UBE2E2: variants seen among roughly 807,000 people sequenced by gnomAD.
UBE2E2 encodes the protein ubiquitin conjugating enzyme E2 E2, also known as ubiquitin-conjugating enzyme E2 E2.
UBE2E2 carries 6 observed loss-of-function variants against 24.7 expected under a neutral mutation model. The ratio of observed to expected loss-of-function variants is 0.24; its 90% CI spans 0.13 to 0.48. The LOEUF is 0.48. Among genes scored for constraint, UBE2E2 ranks in the 20% least tolerant of loss-of-function variants. UBE2E2 has a pLI of 0.99. For synonymous variants in UBE2E2, 104 were observed against 83.6 expected, an observed-to-expected ratio of 1.24 and a Z score of -1.33; for missense variants, 169 against 245.0, an observed-to-expected ratio of 0.69 and a Z score of 2.07.
intron 3 of UBE2E2, among the ~76,000 whole-genome samples, chr3:23,295,828 A>G (rs550044821): frequency 6.6e-6 from 1 of 152,278 alleles, no homozygotes; most frequent in East Asian, 1.9e-4. Flanking sequence ...ACATTTGGTA[A>G]TTTGTATATA....
At chr3:23,534,311 C>A in intron 5 of UBE2E2, 1 of 889,838 alleles carries the variant, frequency 1.1e-6, no homozygotes, top group Non-Finnish European at 1.3e-6. Flanking sequence ...ATCAAAAAGA[C>A]TTCTGTTCAG....
chr3:23,544,084 A>G (rs1695458740), intron 5 of UBE2E2, among the ~76,000 whole-genome samples: 2 of 152,344 alleles, frequency 1.3e-5, no homozygotes, highest in East Asian at 1.9e-4. Context: ...AAAGACTTAC[A>G]TTGAAGACTA....
intron 3 of UBE2E2, among the ~76,000 whole-genome samples, chr3:23,343,431 C>T (rs556288093): frequency 6.6e-6 from 1 of 151,988 alleles, no homozygotes. Flanking sequence ...CAAAAATTAG[C>T]TGGGTGTCGT....
chr3:23,525,506 G>A (rs1238394773), intron 4 of UBE2E2, among the ~76,000 whole-genome samples: 1 of 152,184 alleles, frequency 6.6e-6, no homozygotes, highest in Non-Finnish European at 1.5e-5. Flanking sequence ...TATGGAAAAT[G>A]TTCCAAAAGG....
chr3:23,361,229 G>C (rs1455930947), intron 3 of UBE2E2, among the ~76,000 whole-genome samples: 2 of 152,090 alleles, frequency 1.3e-5, no homozygotes, highest in Non-Finnish European at 2.9e-5. Context: ...ACTGCTTCTG[G>C]GAATGTAAAC....
chr3:23,333,252 T>G (rs1343193488), intron 3 of UBE2E2, among the ~76,000 whole-genome samples: 1 of 152,200 alleles, frequency 6.6e-6, no homozygotes. Context: ...TCTTTTTCAA[T>G]TTAAATGTTT....
chr3:23,320,173 C>T (rs1694705158), intron 3 of UBE2E2, among the ~76,000 whole-genome samples: 1 of 152,184 alleles, frequency 6.6e-6, no homozygotes. Flanking sequence ...TAGTTTCTCA[C>T]ATTCAGTCGC....
chr3:23,567,395 A>G (rs968528535), intron 5 of UBE2E2, among the ~76,000 whole-genome samples: 3 of 152,248 alleles, frequency 2.0e-5, no homozygotes, highest in African/African-American at 7.2e-5. Context: ...TTCAGGCAAG[A>G]TGTCAGTAAA....
At chr3:23,256,399 G>C (rs750977480) in intron 3 of UBE2E2, among the ~76,000 whole-genome samples, 1 of 152,042 alleles carries the variant, frequency 6.6e-6, no homozygotes, top group African/African-American at 2.4e-5. Flanking sequence ...CCTTTTAAAG[G>C]ATACTCCGTA....
intron 5 of UBE2E2, among the ~76,000 whole-genome samples, chr3:23,560,079 A>G (rs1416686346): frequency 6.6e-6 from 1 of 151,926 alleles, no homozygotes. Context: ...TTTTTATTTT[A>G]TTTTAAGTTC....
chr3:23,235,104 C>G (rs748944020), intron 3 of UBE2E2, among the ~76,000 whole-genome samples: 1 of 152,112 alleles, frequency 6.6e-6, no homozygotes, highest in Non-Finnish European at 1.5e-5. Flanking sequence ...GCATCTCCAG[C>G]CTTTGTAGAG....
chr3:23,284,195 G>A (rs548279715), intron 3 of UBE2E2, among the ~76,000 whole-genome samples: 142 of 151,854 alleles, frequency 9.4e-4, no homozygotes, highest in Admixed American at 2.1e-3. Flanking sequence ...TTCTAGATTA[G>A]CCATGTTGAG....
intron 5 of UBE2E2, among the ~76,000 whole-genome samples, chr3:23,546,460 A>ATTTTTTTTTT (rs899923576): frequency 3.9e-5 from 3 of 76,860 alleles, no homozygotes; most frequent in Non-Finnish European, 7.5e-5. Context: ...GAACATTTAG[A>ATTTTTTTTTT]TTTTTTTTTT....
intron 3 of UBE2E2, among the ~76,000 whole-genome samples, chr3:23,313,791 T>C (rs1183618130): frequency 6.6e-6 from 1 of 152,150 alleles, no homozygotes; most frequent in Non-Finnish European, 1.5e-5. Context: ...TCCTGCCGTT[T>C]TGTTACTTGT....
At chr3:23,412,394 T>C (rs770463861) in intron 3 of UBE2E2, among the ~76,000 whole-genome samples, 2 of 152,048 alleles carry the variant, frequency 1.3e-5, no homozygotes, top group Admixed American at 6.6e-5. Flanking sequence ...CAAGACTAAA[T>C]TGGTTTCAGA....
At chr3:23,405,290 C>T (rs1296414941) in intron 3 of UBE2E2, among the ~76,000 whole-genome samples, 1 of 152,134 alleles carries the variant, frequency 6.6e-6, no homozygotes, top group Non-Finnish European at 1.5e-5. Flanking sequence ...GCCAGTGATA[C>T]ACCTGCCTCA....
intron 5 of UBE2E2, among the ~76,000 whole-genome samples, chr3:23,570,039 T>A (rs751479199): frequency 3.9e-5 from 6 of 152,184 alleles, no homozygotes; most frequent in Non-Finnish European, 8.8e-5. Flanking sequence ...GGTCACTTTC[T>A]CATTATTAGA....
intron 3 of UBE2E2, among the ~76,000 whole-genome samples, chr3:23,413,102 G>T (rs964833887): frequency 6.6e-6 from 1 of 151,256 alleles, no homozygotes; most frequent in East Asian, 1.9e-4. Context: ...TGCTAAATGA[G>T]GAGTTAATGG....
chr3:23,310,123 T>A (rs1439339212), intron 3 of UBE2E2, among the ~76,000 whole-genome samples: 1 of 152,156 alleles, frequency 6.6e-6, no homozygotes, highest in Non-Finnish European at 1.5e-5. Flanking sequence ...CATGGATATA[T>A]TTAAAAATCA....
Sources: gnomAD v4.1 joint callset for allele counts (sites outside exome capture counted in the v4.1 genomes callset) on GRCh38, gnomAD v4.1.1 for gene constraint, MANE v1.5 for transcripts, NCBI Gene and HGNC (gene_info 2026-07-23, HGNC 2026-07-21) for gene names.